TRIOBP: variants seen among roughly 807,000 people sequenced by gnomAD.
TRIOBP encodes the protein TRIO and F-actin-binding protein.
A neutral mutation model predicts 238.8 loss-of-function variants in TRIOBP; 169 were observed. The ratio of observed to expected loss-of-function variants is 0.71; its 90% CI spans 0.62 to 0.80. TRIOBP has a LOEUF of 0.80. TRIOBP is among the 30% of genes least tolerant of loss of function. The pLI, the probability that TRIOBP is intolerant of heterozygous loss-of-function variation, is 0.00. For synonymous variants in TRIOBP, 1,150 were observed against 1,274.4 expected, an observed-to-expected ratio of 0.90 and a Z score of 2.08; for missense variants, 2,838 against 3,122.6, an observed-to-expected ratio of 0.91 and a Z score of 2.17.
In TRIOBP at chr22:37,710,524, G is replaced by A; in HGVS notation, c.212G>A (p.Cys71Tyr). 1 of 1,612,130 alleles carries A rather than the reference G, an allele frequency of 6.2e-7. No individual in the cohort carries two copies. The highest frequency in any genetic ancestry group is 8.5e-7 in the Non-Finnish European group (1 of 1,179,878). ...EDPLSASTSG[C>Y]QSVVDPGLRP... ...CCACTCAGCGCCTCAACCTCCGGCT[G>A]CCAGTCTGTGGTGGACCCAGGCCTC... Residue 71 changes from cysteine (C) to tyrosine (Y), a missense_variant, in exon 4 of 24, where the codon TGC (cysteine) becomes TAC (tyrosine). Cys to Tyr is a radical substitution (Grantham distance 194). Coordinates refer to ENST00000644935, the MANE Select transcript of TRIOBP (RefSeq NM_001039141.3).
chr22:37,714,851 T>A (rs1343490115), intron 5 of TRIOBP, among the ~76,000 whole-genome samples: 2 of 151,930 alleles, frequency 1.3e-5, no homozygotes, highest in East Asian at 1.9e-4. Flanking sequence ...TATTATTATT[T>A]TTTTTAATTT....
At chr22:37,706,116 G>A (rs977863476) in intron 3 of TRIOBP, among the ~76,000 whole-genome samples, 4 of 152,126 alleles carry the variant, frequency 2.6e-5, no homozygotes, top group Non-Finnish European at 5.9e-5. Context: ...GGGTGAGGGA[G>A]GGGAGAAACC....
intron 18 of TRIOBP, among the ~76,000 whole-genome samples, chr22:37,767,080 G>GT (rs1926534969): frequency 6.6e-6 from 1 of 152,014 alleles, no homozygotes; most frequent in Non-Finnish European, 1.5e-5. Flanking sequence ...GTGAAACCCT[G>GT]TCTCTACTAT....
Position 37,710,469 on chromosome 22 carries a change from C to G in TRIOBP, c.157C>G (p.Leu53Val), listed in dbSNP as rs775848908. ...PSGAEVPYCD[L>V]PRCPPAPEDP... The stretch of plus-strand genomic sequence containing the variant: ...AGGTGCTGAGGTGCCCTACTGCGAC[C>G]TGCCTCGATGTCCACCTGCCCCTGA... Residue 53 changes from leucine (L) to valine (V), a missense_variant, in exon 4 of 24, where the codon CTG (leucine) becomes GTG (valine). Leu to Val is a conservative substitution (Grantham distance 32, BLOSUM62 1). This residue lies in a region of TRIOBP where 535 missense variants were observed against 537.3 expected (regional missense o/e 1.00). Transcript: ENST00000644935. 1.1e-5 allele frequency: 17 copies of G among 1,613,346 alleles called. No homozygotes were observed. The Admixed American group carries it at 2.5e-4, about 24-fold the overall frequency.
intron 17 of TRIOBP, among the ~76,000 whole-genome samples, chr22:37,763,973 A>G (rs1057214672): frequency 6.6e-6 from 1 of 152,000 alleles, no homozygotes; most frequent in East Asian, 1.9e-4. Flanking sequence ...TTCATCTTCA[A>G]AGCCTGCAGA....
intron 15 of TRIOBP, among the ~76,000 whole-genome samples, chr22:37,756,531 A>G (rs1238017914): frequency 6.6e-6 from 1 of 152,216 alleles, no homozygotes; most frequent in Non-Finnish European, 1.5e-5. Flanking sequence ...AGCACTGTGC[A>G]GTTGGACTGT....
chr22:37,736,905 G>T (rs528668296), intron 9 of TRIOBP, among the ~76,000 whole-genome samples: 1 of 152,284 alleles, frequency 6.6e-6, no homozygotes, highest in African/African-American at 2.4e-5. Flanking sequence ...GGGATTACAG[G>T]TGCGAGCCAC....
intron 3 of TRIOBP, among the ~76,000 whole-genome samples, chr22:37,708,054 G>A (rs1241916804): frequency 1.3e-5 from 2 of 149,952 alleles, no homozygotes; most frequent in Non-Finnish European, 3.0e-5. Flanking sequence ...AGACCATCCT[G>A]GCTAACACGG....
chr22:37,714,808 C>G (rs1430657536), intron 5 of TRIOBP, among the ~76,000 whole-genome samples: 1 of 152,074 alleles, frequency 6.6e-6, no homozygotes, highest in Non-Finnish European at 1.5e-5. Flanking sequence ...TCCTCAGTAG[C>G]TGGGACTATA....
At chr22:37,755,397 C>A in intron 14 of TRIOBP, 153 bp from the exon 15 acceptor site, 1 of 909,066 alleles carries the variant, frequency 1.1e-6, no homozygotes, top group Non-Finnish European at 1.8e-6. Context: ...CTTCCCAGGC[C>A]AATGGAAGGG....
At chr22:37,714,835 C>T (rs993178741) in intron 5 of TRIOBP, among the ~76,000 whole-genome samples, 3 of 151,890 alleles carry the variant, frequency 2.0e-5, no homozygotes, top group African/African-American at 7.3e-5. Flanking sequence ...CACAACCATG[C>T]CTAGTTATTA....
chr22:37,772,932 A>C (rs59525183), intron 23 of TRIOBP, among the ~76,000 whole-genome samples, 168 bp downstream of exon 23: 1 of 152,168 alleles, frequency 6.6e-6, no homozygotes, highest in Non-Finnish European at 1.5e-5. Flanking sequence ...CAGAGATCCC[A>C]TCAGACCCGG....
chr22:37,710,387 G>T, intron 3 of TRIOBP, 40 bp from the exon 4 acceptor site: 1 of 1,610,902 alleles, frequency 6.2e-7, no homozygotes, highest in East Asian at 2.2e-5. Flanking sequence ...GAGCCCCCAC[G>T]TGGGCGCTGA....
At chr22:37,741,867 C>A (rs1924949718) in intron 11 of TRIOBP, among the ~76,000 whole-genome samples, 1 of 152,206 alleles carries the variant, frequency 6.6e-6, no homozygotes, top group Non-Finnish European at 1.5e-5. Context: ...TGTGGAGACT[C>A]AGGGCTGCAG....
intron 3 of TRIOBP, among the ~76,000 whole-genome samples, chr22:37,705,497 G>T (rs919287216): frequency 5.3e-5 from 8 of 152,064 alleles, no homozygotes; most frequent in Admixed American, 2.6e-4. Context: ...ATGGAGAATG[G>T]GGGGAGGCCT....
intron 11 of TRIOBP, among the ~76,000 whole-genome samples, chr22:37,744,000 C>CTT (rs571857057): frequency 1.0e-4 from 13 of 130,464 alleles, no homozygotes; most frequent in African/African-American, 2.0e-4. Context: ...TGCTGTGTAT[C>CTT]TTTTTTTTTT....
At chr22:37,715,578 C>G (rs1174943668) in intron 5 of TRIOBP, among the ~76,000 whole-genome samples, 185 bp from the exon 6 acceptor site, 1 of 150,176 alleles carries the variant, frequency 6.7e-6, no homozygotes, top group East Asian at 2.0e-4. Flanking sequence ...CTCCTGACCT[C>G]GTGATCCACC....
intron 4 of TRIOBP, 134 bp from the exon 5 acceptor site, chr22:37,713,076 C>T: frequency 1.4e-6 from 1 of 706,108 alleles, no homozygotes; most frequent in East Asian, 2.7e-5. Context: ...ACAGAGGCAG[C>T]TCTCACCATT....
intron 3 of TRIOBP, among the ~76,000 whole-genome samples, chr22:37,706,208 G>C (rs945309384): frequency 1.3e-5 from 2 of 152,082 alleles, no homozygotes; most frequent in Non-Finnish European, 1.5e-5. Flanking sequence ...ATGGTGTGGG[G>C]TGTCGGCAGG....
Sources: gnomAD v4.1 joint callset for allele counts (sites outside exome capture counted in the v4.1 genomes callset) on GRCh38, gnomAD v4.1.1 for gene constraint, gnomAD v4.1.1 regional missense constraint, MANE v1.5 for transcripts, NCBI Gene and HGNC (gene_info 2026-07-23, HGNC 2026-07-21) for gene names.